The following PPP4R4 variants were observed in gnomAD, a reference collection of about 807,000 sequenced individuals.
PPP4R4 encodes serine/threonine-protein phosphatase 4 regulatory subunit 4.
Under a neutral mutation model 121.8 loss-of-function variants are expected in PPP4R4, and 70 were observed. That is an observed-to-expected ratio of 0.57 (90% CI 0.47 to 0.70). PPP4R4 has a LOEUF of 0.70. Among genes scored for constraint, PPP4R4 ranks in the 30% least tolerant of loss-of-function variants. PPP4R4 has a pLI of 0.00. For missense variants in PPP4R4, 875 were observed against 1,033.6 expected, an observed-to-expected ratio of 0.85 and a Z score of 2.10; for synonymous variants, 348 against 355.7, an observed-to-expected ratio of 0.98 and a Z score of 0.24.
rs34881107 is a variant in PPP4R4 at position 94,235,388 on chromosome 14, C to CTTTTTTTTTTTTT, written c.731+736_731+748dup. ...TGTTTGTTTTGTTGCTCTCCTTGTT[C>CTTTTTTTTTTTTT]TTTTTTTTTTTTTTTTTTTTTTTTT... On this transcript the variant is annotated intron_variant, in intron 7 of 24. Coordinates refer to ENST00000304338, the MANE Select transcript of PPP4R4 (RefSeq NM_058237.2). 3.0e-4 allele frequency among the ~76,000 whole-genome samples: 15 copies of CTTTTTTTTTTTTT among 50,808 alleles called. 1 individual carries two copies. Among genetic ancestry groups the CTTTTTTTTTTTTT allele is most frequent in the African/African-American group, 1.3e-3 (14 of 10,874 alleles). 33.3% of individuals were successfully genotyped at this position (50,808 alleles called of 152,430 possible).
chr14:94,210,131 A>T (rs1890666080), intron 3 of PPP4R4, among the ~76,000 whole-genome samples: 1 of 151,392 alleles, frequency 6.6e-6, no homozygotes, highest in South Asian at 2.1e-4. Context: ...AGCTTATTAA[A>T]ACCATATCTT....
At chr14:94,248,502 C>T (rs964815328) in intron 14 of PPP4R4, among the ~76,000 whole-genome samples, 3 of 152,086 alleles carry the variant, frequency 2.0e-5, no homozygotes, top group African/African-American at 7.2e-5. Context: ...TCTACAGATT[C>T]AACACATTCC....
At chr14:94,234,524 C>T (rs1892219784) in intron 6 of PPP4R4, 38 bp from the exon 7 acceptor site, 1 of 1,205,894 alleles carries the variant, frequency 8.3e-7, no homozygotes, top group African/African-American at 1.5e-5. Context: ...TTCTGAAACA[C>T]TCATTCATTT....
chr14:94,247,546 TC>T (rs1473470134), intron 14 of PPP4R4, among the ~76,000 whole-genome samples: 2 of 152,158 alleles, frequency 1.3e-5, no homozygotes, highest in African/African-American at 4.8e-5. Context: ...GAGGAAGTGT[TC>T]CTGTTTAACT....
chr14:94,202,685 A>C (rs1203521358), intron 2 of PPP4R4, among the ~76,000 whole-genome samples: 1 of 152,242 alleles, frequency 6.6e-6, no homozygotes, highest in Non-Finnish European at 1.5e-5. Flanking sequence ...GATTTCAAAA[A>C]TTAACCCTTT....
At chr14:94,201,790 G>A (rs1174252361) in intron 2 of PPP4R4, among the ~76,000 whole-genome samples, 1 of 152,006 alleles carries the variant, frequency 6.6e-6, no homozygotes, top group Non-Finnish European at 1.5e-5. Context: ...TACCTACTAG[G>A]TGTCTACCCA....
intron 3 of PPP4R4, among the ~76,000 whole-genome samples, chr14:94,216,627 G>A (rs1595483320): frequency 1.3e-5 from 2 of 152,280 alleles, no homozygotes; most frequent in African/African-American, 4.8e-5. Flanking sequence ...GTGATGAGCT[G>A]TTGCTGAGGG....
intron 2 of PPP4R4, among the ~76,000 whole-genome samples, chr14:94,188,419 T>C (rs1567105393): frequency 1.3e-5 from 2 of 152,166 alleles, no homozygotes; most frequent in Non-Finnish European, 2.9e-5. Context: ...ATTTTGATTG[T>C]ATTTTATGAA....
intron 3 of PPP4R4, among the ~76,000 whole-genome samples, chr14:94,219,837 C>T (rs770211113): frequency 6.6e-6 from 1 of 152,108 alleles, no homozygotes; most frequent in Non-Finnish European, 1.5e-5. Flanking sequence ...TGACACACAC[C>T]TGTAATCCCA....
intron 20 of PPP4R4, among the ~76,000 whole-genome samples, 168 bp downstream of exon 20, chr14:94,265,115 T>A (rs1445836363): frequency 6.6e-6 from 1 of 152,204 alleles, no homozygotes; most frequent in African/African-American, 2.4e-5. Context: ...GGTACAGATG[T>A]TAAGAGTACA....
At chr14:94,229,770 A>G (rs10450949) in intron 3 of PPP4R4, among the ~76,000 whole-genome samples, 17,817 of 152,158 alleles carry the variant, frequency 0.12, 1,264 homozygotes, top group African/African-American at 0.19. Context: ...ATATAAGGGA[A>G]ATTTTCATTA....
chr14:94,227,244 C>T, intron 3 of PPP4R4: 1 of 1,477,782 alleles, frequency 6.8e-7, no homozygotes, highest in Non-Finnish European at 9.4e-7. Context: ...TTAAGGCATG[C>T]ACTTAAGCAA....
intron 15 of PPP4R4, among the ~76,000 whole-genome samples, chr14:94,251,047 T>C (rs1015764293): frequency 5.9e-5 from 9 of 152,038 alleles, no homozygotes; most frequent in African/African-American, 2.2e-4. Flanking sequence ...TTAATCTTTC[T>C]TTTTATAGTC....
rs1233186538 is a variant in PPP4R4, at chr14:94,242,824, C to T, written c.1266+416C>T. Among the ~76,000 whole-genome samples, 3 of 152,072 alleles carry T rather than the reference C, an allele frequency of 2.0e-5. No individual in the cohort carries two copies. In the East Asian group the frequency reaches 5.8e-4, roughly 29 times the overall value. On this transcript the variant is annotated intron_variant, in intron 11 of 24. Transcript: ENST00000304338. ...TTTTTACTACAAATGGATGGTGTTTCGTGAGCATGGCTTTTAGATTCTGCT... is the reference window on the plus strand; with the variant it reads ...TTTTTACTACAAATGGATGGTGTTTTGTGAGCATGGCTTTTAGATTCTGCT...
At chr14:94,243,441 A>G (rs1447929185) in intron 11 of PPP4R4, among the ~76,000 whole-genome samples, 1 of 152,170 alleles carries the variant, frequency 6.6e-6, no homozygotes, top group Non-Finnish European at 1.5e-5. Flanking sequence ...TACCATGTCC[A>G]CATGTACTTG....
intron 2 of PPP4R4, among the ~76,000 whole-genome samples, chr14:94,193,519 A>G (rs1889711907): frequency 6.6e-6 from 1 of 152,204 alleles, no homozygotes; most frequent in South Asian, 2.1e-4. Context: ...GGCTTATAGT[A>G]TATTAGATGC....
intron 11 of PPP4R4, among the ~76,000 whole-genome samples, chr14:94,244,068 C>T (rs536592913): frequency 5.9e-5 from 9 of 151,812 alleles, no homozygotes; most frequent in South Asian, 2.1e-4. Flanking sequence ...TTGTGGGCTC[C>T]GAGTTTATAA....
At chr14:94,216,680 A>T (rs1320749624) in intron 3 of PPP4R4, among the ~76,000 whole-genome samples, 1 of 152,160 alleles carries the variant, frequency 6.6e-6, no homozygotes, top group East Asian at 1.9e-4. Context: ...CTTCTCCTTT[A>T]TGAAGCAAGA....
intron 5 of PPP4R4, 26 bp downstream of exon 5, chr14:94,231,341 T>A: frequency 6.4e-7 from 1 of 1,554,520 alleles, no homozygotes; most frequent in Non-Finnish European, 8.8e-7. Flanking sequence ...GGGCAAATAC[T>A]AATAAGTAAG....
Sources: gnomAD v4.1 joint callset for allele counts (sites outside exome capture counted in the v4.1 genomes callset) on GRCh38, gnomAD v4.1.1 for gene constraint, MANE v1.5 for transcripts, NCBI Gene and HGNC (gene_info 2026-07-23, HGNC 2026-07-21) for gene names.